C2CD5: variants seen among roughly 807,000 people sequenced by gnomAD.
C2CD5 encodes the protein C2 calcium dependent domain containing 5.
Under a neutral mutation model 130.3 loss-of-function variants are expected in C2CD5, and 109 were observed. That is an observed-to-expected ratio of 0.84 (90% confidence interval 0.72 to 0.98). The LOEUF is 0.98. Among genes scored for constraint, C2CD5 ranks in the 50% least tolerant of loss-of-function variants. The pLI is 0.00. For missense variants in C2CD5, 996 were observed against 1,261.8 expected (o/e 0.79, Z 3.19); for synonymous variants, 454 against 429.2 (o/e 1.06, Z -0.71).
chr12:22,527,676 AAAGATT>A (rs1950852284), intron 4 of C2CD5, 39 bp downstream of exon 4: 1 of 1,119,532 alleles, frequency 8.9e-7, no homozygotes, highest in Admixed American at 2.4e-5. Flanking sequence ...GACAAATAAA[AAAGATT>A]AAGATTGTTA....
chr12:22,525,710 A>T lies in C2CD5; in HGVS notation c.350-5T>A, dbSNP rs768641681. 2.9e-6 allele frequency: 4 copies of T among 1,369,456 alleles called. No homozygotes were observed. In the South Asian group the frequency reaches 4.7e-5, roughly 16 times the overall value. The allele number at this position is 1,369,456 out of a possible 1,614,324, so 84.8% of individuals were successfully genotyped here. On this transcript the variant is annotated splice_polypyrimidine_tract_variant and splice_region_variant and intron_variant, in intron 4 of 26. Transcript: ENST00000446597. ...CATTGATTTCCCCACGGATACCTAT[A>T]AATTTAAAAAGAAAATCAAGTTTCT...
intron 22 of C2CD5, among the ~76,000 whole-genome samples, chr12:22,467,628 A>G (rs1942302810): frequency 6.6e-6 from 1 of 152,242 alleles, no homozygotes; most frequent in South Asian, 2.1e-4. Flanking sequence ...AAAGAGGTTA[A>G]GCAATTGGTC....
At chr12:22,456,720 C>G (rs1939940831) in intron 25 of C2CD5, among the ~76,000 whole-genome samples, 1 of 152,124 alleles carries the variant, frequency 6.6e-6, no homozygotes, top group Non-Finnish European at 1.5e-5. Context: ...TCTATTTGAA[C>G]ACAGATATTT....
chr12:22,475,291 C>A (rs932712970), intron 15 of C2CD5, among the ~76,000 whole-genome samples: 3 of 152,108 alleles, frequency 2.0e-5, no homozygotes, highest in Non-Finnish European at 2.9e-5. Flanking sequence ...GAATTCTAAT[C>A]TTTTATATAT....
In C2CD5 at chr12:22,482,552, C is replaced by T. The variant is rs773206572; in HGVS notation, c.1737+5G>A. On this transcript the variant is annotated splice_donor_5th_base_variant and intron_variant, in intron 14 of 26. Transcript: ENST00000446597. ...TAAAACAAAACCAAAAACATCTAAA[C>T]TTACCGCTAAGCCCATCAACATATT... is the stretch of plus-strand genomic sequence containing the variant. The T allele has an allele frequency of 6.2e-7, 1 of 1,610,718 alleles. No individual in the cohort carries two copies. Among genetic ancestry groups the T allele is most frequent in the African/African-American group, 1.3e-5 (1 of 74,748 alleles).
At chr12:22,474,167 AAG>A (rs1180285862) in intron 16 of C2CD5, among the ~76,000 whole-genome samples, 1 of 152,132 alleles carries the variant, frequency 6.6e-6, no homozygotes, top group African/African-American at 2.4e-5. Flanking sequence ...CAATATGAAA[AAG>A]AAAAATCTAT....
chr12:22,473,681 A>T (rs1352500618), intron 16 of C2CD5, among the ~76,000 whole-genome samples: 2 of 152,114 alleles, frequency 1.3e-5, no homozygotes, highest in African/African-American at 4.8e-5. Flanking sequence ...TCACCTGGAA[A>T]GTTTGTTAAA....
intron 3 of C2CD5, among the ~76,000 whole-genome samples, chr12:22,534,083 G>T (rs1480356879): frequency 6.6e-6 from 1 of 152,210 alleles, no homozygotes; most frequent in African/African-American, 2.4e-5. Flanking sequence ...AGCTACTAGG[G>T]AGGCTGAGGC....
chr12:22,535,038 C>A, intron 3 of C2CD5: 2 of 381,046 alleles, frequency 5.2e-6, no homozygotes, highest in African/African-American at 2.1e-5. Flanking sequence ...TAATATAATA[C>A]ATCTGAAGAC....
chr12:22,496,583 T>C (rs1362698212), intron 10 of C2CD5, among the ~76,000 whole-genome samples: 3 of 151,502 alleles, frequency 2.0e-5, no homozygotes, highest in Non-Finnish European at 4.4e-5. Context: ...AACACATTTC[T>C]TCTGATAATC....
chr12:22,524,638 AAATT>A lies in C2CD5; in HGVS notation c.446-15_446-12del. 6.3e-7 allele frequency: 1 copy of A among 1,597,862 alleles called. No homozygotes were observed. Among genetic ancestry groups the A allele is most frequent in the Non-Finnish European group, 8.5e-7 (1 of 1,171,108 alleles). ...TTGGAATAGACGTTGCTGTTAAAAC[AAATT>A]ATTATGCTTCTGTTTATCAAAAGGT... On this transcript the variant is annotated splice_polypyrimidine_tract_variant and intron_variant, in intron 5 of 26. Coordinates refer to ENST00000446597, the MANE Select transcript of C2CD5 (RefSeq NM_001286176.2).
intron 21 of C2CD5, 21 bp downstream of exon 21, chr12:22,470,803 T>A: frequency 6.9e-7 from 1 of 1,449,972 alleles, no homozygotes; most frequent in Non-Finnish European, 9.7e-7. Context: ...AAACTGAACT[T>A]CCTATTCAGT....
chr12:22,468,595 G>A (rs912426394), intron 22 of C2CD5, among the ~76,000 whole-genome samples: 1 of 152,122 alleles, frequency 6.6e-6, no homozygotes, highest in African/African-American at 2.4e-5. Context: ...CATTACCTTT[G>A]AATTTGATTT....
At chr12:22,450,591 T>C (rs1938365317) in intron 26 of C2CD5, among the ~76,000 whole-genome samples, 1 of 152,048 alleles carries the variant, frequency 6.6e-6, no homozygotes, top group South Asian at 2.1e-4. Flanking sequence ...TAATTATATA[T>C]ATCCTTCTAT....
At chr12:22,532,426 C>A (rs1047781942) in intron 3 of C2CD5, among the ~76,000 whole-genome samples, 1 of 151,820 alleles carries the variant, frequency 6.6e-6, no homozygotes, top group Non-Finnish European at 1.5e-5. Context: ...CACCTCAATA[C>A]TACTCTGGAA....
At position 22,481,649 on chromosome 12, in the gene C2CD5, CTT is replaced by C. The variant is rs34990025; in HGVS notation, c.1737+906_1737+907del. 2.6e-4 allele frequency among the ~76,000 whole-genome samples: 30 copies of C among 116,426 alleles called. No individual in the cohort carries two copies. In the East Asian group the frequency reaches 5.4e-3, roughly 21 times the overall value. The allele number at this position is 116,426 out of a possible 152,430, so 76.4% of individuals were successfully genotyped here. On this transcript the variant is annotated intron_variant, in intron 14 of 26. Coordinates refer to ENST00000446597, the MANE Select transcript of C2CD5 (RefSeq NM_001286176.2). ...TTTCATCGGCACTTAAGAAACACACCTTTTTTTTTTTTTTTTTTTTTTTGAGA... is the reference window on the plus strand; with the variant it reads ...TTTCATCGGCACTTAAGAAACACACCTTTTTTTTTTTTTTTTTTTTTGAGA...
chr12:22,485,348 T>C (rs943250425), intron 12 of C2CD5, among the ~76,000 whole-genome samples: 1 of 152,060 alleles, frequency 6.6e-6, no homozygotes, highest in East Asian at 1.9e-4. Flanking sequence ...GGATGGCTAA[T>C]GGGTACAAAA....
intron 3 of C2CD5, among the ~76,000 whole-genome samples, chr12:22,530,107 TATATACAC>T (rs1223322891): frequency 0.014 from 1,531 of 111,354 alleles, 26 homozygotes; most frequent in African/African-American, 0.06. Flanking sequence ...TATATATATA[TATATACAC>T]ACACACACAC....
intron 5 of C2CD5, among the ~76,000 whole-genome samples, chr12:22,525,125 A>C (rs939134032): frequency 3.9e-5 from 6 of 152,184 alleles, no homozygotes; most frequent in Admixed American, 1.3e-4. Context: ...AAGGAGAGAG[A>C]GAACCTGAAT....
Sources: allele counts gnomAD v4.1 joint callset (sites outside exome capture counted in the v4.1 genomes callset), GRCh38; gene constraint gnomAD v4.1.1; transcripts MANE v1.5; gene names NCBI Gene and HGNC (gene_info 2026-07-23, HGNC 2026-07-21).